ACMSD: variants seen among roughly 807,000 people sequenced by gnomAD.
ACMSD encodes 2-amino-3-carboxymuconate-6-semialdehyde decarboxylase.
Under a neutral mutation model 45.9 loss-of-function variants are expected in ACMSD, and 37 were observed. That is an observed-to-expected ratio of 0.81 (90% CI 0.62 to 1.06). The LOEUF is 1.06. Among genes scored for constraint, ACMSD ranks in the 50% least tolerant of loss-of-function variants. The pLI, the probability that ACMSD is intolerant of heterozygous loss-of-function variation, is 0.00. For missense variants in ACMSD, 434 were observed against 420.9 expected (o/e 1.03, Z -0.27); for synonymous variants, 138 against 148.8 (o/e 0.93, Z 0.53).
intron 8 of ACMSD, among the ~76,000 whole-genome samples, chr2:134,879,197 T>C (rs942855782): frequency 3.3e-5 from 5 of 152,120 alleles, no homozygotes; most frequent in African/African-American, 7.2e-5. Flanking sequence ...GGCTCAGGGG[T>C]TGGGGACCCC....
intron 7 of ACMSD, 55 bp from the exon 8 acceptor site, chr2:134,872,414 T>A: frequency 6.2e-7 from 1 of 1,606,200 alleles, no homozygotes. Flanking sequence ...ACATCAAGAC[T>A]AAAGGAATCC....
intron 8 of ACMSD, among the ~76,000 whole-genome samples, chr2:134,891,868 T>C (rs1689803810): frequency 6.6e-6 from 1 of 152,160 alleles, no homozygotes; most frequent in Non-Finnish European, 1.5e-5. Context: ...GAAACTGTCA[T>C]ATATATGCAC....
intron 2 of ACMSD, among the ~76,000 whole-genome samples, chr2:134,848,605 G>A (rs947440366): frequency 1.4e-4 from 22 of 151,878 alleles, no homozygotes; most frequent in Admixed American, 2.6e-4. Context: ...CATATCCTTC[G>A]CCCACTTTTT....
chr2:134,871,508 A>G (rs1158369959), intron 7 of ACMSD, among the ~76,000 whole-genome samples: 1 of 100,474 alleles, frequency 1.0e-5, no homozygotes, highest in Non-Finnish European at 1.9e-5. Flanking sequence ...TAGTTTTGTC[A>G]TTGTTTTTTT....
At chr2:134,852,649 A>G (rs1354419833) in intron 2 of ACMSD, among the ~76,000 whole-genome samples, 6 of 152,132 alleles carry the variant, frequency 3.9e-5, no homozygotes, top group African/African-American at 1.4e-4. Context: ...GGTTGGTTGA[A>G]GTAGGGCCTC....
chr2:134,867,504 T>C, intron 5 of ACMSD, 75 bp from the exon 6 acceptor site: 2 of 1,171,488 alleles, frequency 1.7e-6, no homozygotes, highest in African/African-American at 1.5e-5. Context: ...GAAAAGCAGT[T>C]TCCCCAAAAC....
intron 6 of ACMSD, among the ~76,000 whole-genome samples, chr2:134,868,451 CTTTT>C (rs1170969126): frequency 2.4e-5 from 3 of 124,196 alleles, no homozygotes; most frequent in Admixed American, 8.8e-5. Context: ...ATATTTTTTT[CTTTT>C]TTTTTTTTTT....
At position 134,902,004 on chromosome 2, in the gene ACMSD, A is replaced by G. The variant is rs1223561271; in HGVS notation, c.*144A>G. On this transcript the variant is annotated 3_prime_UTR_variant, in exon 10 of 10. Coordinates refer to ENST00000356140, the MANE Select transcript of ACMSD (RefSeq NM_138326.3). ...AAATATCCTAAATTATTCATAATAA[A>G]AATGATTTGTAAGTGTTTTCATTCT... The G allele has an allele frequency of 1.4e-5, 7 of 489,588 alleles. No homozygotes were observed. Among genetic ancestry groups the G allele is most frequent in the Non-Finnish European group, 2.5e-5 (7 of 283,190 alleles). 30.3% of individuals were successfully genotyped at this position (489,588 alleles called of 1,614,324 possible).
chr2:134,873,022 G>T, intron 8 of ACMSD: 1 of 206,298 alleles, frequency 4.8e-6, no homozygotes, highest in East Asian at 9.9e-5. Context: ...TTAAAATCCT[G>T]GCTCTACCTT....
rs116678172 is a variant in ACMSD at position 134,843,058 on chromosome 2, C to A, written c.58-2175C>A. On this transcript the variant is annotated intron_variant, in intron 1 of 9. Coordinates refer to ENST00000356140, the MANE Select transcript of ACMSD (RefSeq NM_138326.3). ...TTCTTCTACATTAAGGATAAAAATT[C>A]AATGGCAAATTTCTAATTTAAGAGC... Among the ~76,000 whole-genome samples, 459 of 152,294 alleles carry A rather than the reference C, an allele frequency of 3.0e-3. 1 individual carries two copies. Among genetic ancestry groups the A allele is most frequent in the African/African-American group, 9.7e-3 (404 of 41,546 alleles).
chr2:134,876,291 T>C (rs181952575), intron 8 of ACMSD, among the ~76,000 whole-genome samples: 20 of 152,358 alleles, frequency 1.3e-4, no homozygotes, highest in African/African-American at 4.8e-4. Flanking sequence ...TAGCTTACTG[T>C]AACTTTTTTA....
intron 8 of ACMSD, among the ~76,000 whole-genome samples, chr2:134,883,276 C>A (rs527360559): frequency 8.0e-5 from 12 of 150,382 alleles, no homozygotes; most frequent in South Asian, 2.1e-4. Flanking sequence ...AAAAAAAAAA[C>A]AGAAGAAATT....
intron 8 of ACMSD, among the ~76,000 whole-genome samples, chr2:134,882,083 G>A (rs1208950515): frequency 9.9e-5 from 15 of 152,022 alleles, no homozygotes; most frequent in African/African-American, 2.4e-4. Flanking sequence ...GCACCACTGC[G>A]CTCCAGCCTG....
intron 5 of ACMSD, 122 bp from the exon 6 acceptor site, chr2:134,867,457 A>G: frequency 1.6e-6 from 1 of 644,444 alleles, no homozygotes; most frequent in South Asian, 2.2e-5. Flanking sequence ...CTTAAAAAGC[A>G]TTTTAGTTTA....
chr2:134,852,473 G>T (rs1216255228), intron 2 of ACMSD, among the ~76,000 whole-genome samples: 1 of 152,152 alleles, frequency 6.6e-6, no homozygotes, highest in Non-Finnish European at 1.5e-5. Flanking sequence ...AATGGTATTA[G>T]GAAGTGAATT....
chr2:134,893,638 C>A (rs994351550), intron 8 of ACMSD, among the ~76,000 whole-genome samples: 1 of 152,140 alleles, frequency 6.6e-6, no homozygotes, highest in African/African-American at 2.4e-5. Context: ...CCTTAGCCCT[C>A]CTCATAAACC....
intron 9 of ACMSD, among the ~76,000 whole-genome samples, chr2:134,901,297 G>A (rs1445132926): frequency 6.6e-6 from 1 of 152,130 alleles, no homozygotes; most frequent in African/African-American, 2.4e-5. Context: ...ATTTTAAGAT[G>A]TACGGATTTG....
intron 2 of ACMSD, among the ~76,000 whole-genome samples, chr2:134,848,363 C>CT (rs1687178883): frequency 6.6e-6 from 1 of 152,216 alleles, no homozygotes; most frequent in African/African-American, 2.4e-5. Context: ...ACACTGTCTT[C>CT]TACAATGGTT....
intron 2 of ACMSD, among the ~76,000 whole-genome samples, chr2:134,856,253 C>T (rs939854939): frequency 6.6e-6 from 1 of 152,150 alleles, no homozygotes; most frequent in African/African-American, 2.4e-5. Flanking sequence ...TTAACTTGCT[C>T]AAGACCACAT....
Sources: allele counts gnomAD v4.1 joint callset (sites outside exome capture counted in the v4.1 genomes callset), GRCh38; gene constraint gnomAD v4.1.1; transcripts MANE v1.5; gene names NCBI Gene and HGNC (gene_info 2026-07-23, HGNC 2026-07-21).